Variants in RBM25 observed in about 807,000 individuals in gnomAD.
The protein encoded by RBM25 is RNA-binding protein 25.
A neutral mutation model predicts 120.7 loss-of-function variants in RBM25; 19 were observed. That is an observed-to-expected ratio of 0.16 (90% CI 0.11 to 0.23). The LOEUF is 0.23. RBM25 is among the 10% of genes least tolerant of loss of function. The probability of loss-of-function intolerance (pLI) is 1.00; values close to 1 mark genes in which losing one functional copy is unlikely to be tolerated. For missense variants in RBM25, 605 were observed against 1,041.5 expected (o/e 0.58, Z 5.77); for synonymous variants, 390 against 326.7 (o/e 1.19, Z -2.09).
chr14:73,081,197 T>C (rs1196753961), intron 4 of RBM25, among the ~76,000 whole-genome samples: 1 of 150,184 alleles, frequency 6.7e-6, no homozygotes, highest in African/African-American at 2.5e-5. Context: ...TGGAGTGCAG[T>C]GGCACGATCT....
chr14:73,076,901 G>A (rs755284999), intron 3 of RBM25, among the ~76,000 whole-genome samples: 1 of 152,204 alleles, frequency 6.6e-6, no homozygotes, highest in Non-Finnish European at 1.5e-5. Flanking sequence ...CCAACATGGT[G>A]AAACCCTGTG....
chr14:73,076,193 G>C, intron 2 of RBM25, 126 bp from the exon 3 acceptor site: 1 of 778,724 alleles, frequency 1.3e-6, no homozygotes, highest in East Asian at 2.7e-5. Flanking sequence ...GTATTTATCA[G>C]TATTTCACTT....
intron 1 of RBM25, among the ~76,000 whole-genome samples, chr14:73,071,206 C>T (rs1282077877): frequency 6.9e-6 from 1 of 144,212 alleles, no homozygotes; most frequent in African/African-American, 2.6e-5. Flanking sequence ...TGCGCCACTG[C>T]ACTCTAGCCT....
At chr14:73,090,060 T>C (rs1037254377) in intron 6 of RBM25, among the ~76,000 whole-genome samples, 10 of 151,530 alleles carry the variant, frequency 6.6e-5, no homozygotes, top group African/African-American at 1.9e-4. Context: ...GTACCCCCCC[T>C]CTTTTTTTTT....
In RBM25 at chr14:73,058,557, A is replaced by T. The variant is rs2535923; in HGVS notation, c.-164A>T. The stretch of plus-strand genomic sequence containing the variant: ...GAAGACCTCCATCAGCTCGCCGCGC[A>T]GCGCGGCTGTATTTGCGGCCTGTGC... On this transcript the variant is annotated 5_prime_UTR_variant, in exon 1 of 19. Transcript: ENST00000261973. The T allele has an allele frequency of 0.29, 44,408 of 152,066 alleles. 6,980 individuals are homozygous for T. The highest frequency in any genetic ancestry group is 0.34 in the Non-Finnish European group (23,428 of 67,968). 9.4% of individuals were successfully genotyped at this position (152,066 alleles called of 1,614,324 possible). A position where few individuals can be genotyped will look rare whatever the true frequency, so the allele number is the denominator to read the frequency against.
chr14:73,094,100 C>T (rs1366661091), intron 6 of RBM25, among the ~76,000 whole-genome samples: 9 of 150,730 alleles, frequency 6.0e-5, no homozygotes, highest in South Asian at 4.2e-4. Flanking sequence ...TACAGGTGCC[C>T]GCCACCACGC....
At chr14:73,093,950 T>G (rs1263783126) in intron 6 of RBM25, among the ~76,000 whole-genome samples, 1 of 142,998 alleles carries the variant, frequency 7.0e-6, no homozygotes, top group Admixed American at 6.9e-5. Flanking sequence ...CAGGTTTTGT[T>G]TTTTTTTTTT....
intron 1 of RBM25, chr14:73,064,875 A>T (rs1895089332): frequency 6.6e-6 from 1 of 151,350 alleles, no homozygotes; most frequent in African/African-American, 2.4e-5. Context: ...AATTAAATAT[A>T]TCTGGTTAAC....
intron 6 of RBM25, among the ~76,000 whole-genome samples, chr14:73,095,013 T>C (rs543878591): frequency 1.8e-4 from 28 of 151,716 alleles, no homozygotes; most frequent in African/African-American, 6.5e-4. Flanking sequence ...CATGTCACCA[T>C]GCCCAGCTAA....
intron 4 of RBM25, among the ~76,000 whole-genome samples, chr14:73,081,607 G>A (rs930711942): frequency 1.3e-5 from 2 of 152,122 alleles, no homozygotes; most frequent in African/African-American, 4.8e-5. Context: ...GTTATATTGG[G>A]ATGATACATC....
In RBM25 at chr14:73,068,496, C is replaced by T. The variant is rs771740572; in HGVS notation, c.-15-3131C>T. Reference sequence around the variant, plus strand: ...AAGTTTTGACGTATTGTCAGTGTGCCGCATGTTGTATTTTCAAATTCCTTT... The same window carrying T: ...AAGTTTTGACGTATTGTCAGTGTGCTGCATGTTGTATTTTCAAATTCCTTT... On this transcript the variant is annotated intron_variant, in intron 1 of 18. Coordinates refer to ENST00000261973, the MANE Select transcript of RBM25 (RefSeq NM_021239.3). 2.8e-5 allele frequency: 25 copies of T among 895,542 alleles called. 2 individuals carry two copies. The East Asian group carries it at 3.3e-4, about 12-fold the overall frequency. The allele number at this position is 895,542 out of a possible 1,614,324, so 55.5% of individuals were successfully genotyped here. A position where few individuals can be genotyped will look rare whatever the true frequency, so the allele number is the denominator to read the frequency against.
intron 4 of RBM25, 115 bp downstream of exon 4, chr14:73,077,651 C>A (rs961606664): frequency 1.1e-6 from 1 of 936,790 alleles, no homozygotes; most frequent in Non-Finnish European, 1.5e-6. Flanking sequence ...TTCAGTCCTG[C>A]AGCAAAGGTG....
In RBM25 at chr14:73,121,510, CTT is replaced by C. The variant is rs1896540595; in HGVS notation, c.*1708_*1709del. 6.6e-6 allele frequency: 1 copy of C among 152,316 alleles called. No homozygotes were observed. Among genetic ancestry groups the C allele is most frequent in the Non-Finnish European group, 1.5e-5 (1 of 68,010 alleles). 9.4% of individuals were successfully genotyped at this position (152,316 alleles called of 1,614,324 possible). ...CTACTATACATCTATGGAAATGTCT[CTT>C]TTATTTTAAATTCTGGTTTCTCAAC... is the stretch of plus-strand genomic sequence containing the variant. On this transcript the variant is annotated 3_prime_UTR_variant, in exon 19 of 19. Coordinates refer to ENST00000261973, the MANE Select transcript of RBM25 (RefSeq NM_021239.3).
intron 6 of RBM25, among the ~76,000 whole-genome samples, chr14:73,090,659 A>C (rs1190821079): frequency 6.6e-6 from 1 of 152,190 alleles, no homozygotes; most frequent in Non-Finnish European, 1.5e-5. Flanking sequence ...TTGTTTATAT[A>C]TCTCTCTCTT....
chr14:73,066,692 A>G (rs1484526302), intron 1 of RBM25, among the ~76,000 whole-genome samples: 1 of 152,046 alleles, frequency 6.6e-6, no homozygotes, highest in Non-Finnish European at 1.5e-5. Context: ...CTTTACCTAT[A>G]AAGTTTTCTA....
At chr14:73,087,971 AT>A in intron 5 of RBM25, 29 bp from the exon 6 acceptor site, 1 of 1,589,862 alleles carries the variant, frequency 6.3e-7, no homozygotes, top group South Asian at 1.2e-5. Flanking sequence ...GTGAATTGGT[AT>A]TTCACTAATT....
Position 73,109,717 on chromosome 14 carries a change from C to T in RBM25, c.1692+225C>T, listed in dbSNP as rs374202006. 1.8e-4 allele frequency among the ~76,000 whole-genome samples: 27 copies of T among 151,992 alleles called. No individual in the cohort carries two copies. In the East Asian group the frequency reaches 2.2e-3, roughly 12 times the overall value. ...CCGAGGCAGGAGAATGGCGTGAACC[C>T]GGGAGGCGGAGCTTGCAGTGAGCCG... On this transcript the variant is annotated intron_variant, in intron 14 of 18. Transcript: ENST00000261973.
At chr14:73,110,716 A>C in intron 14 of RBM25, 115 bp from the exon 15 acceptor site, 1 of 1,283,854 alleles carries the variant, frequency 7.8e-7, no homozygotes. Context: ...GGCATGAGCC[A>C]CCATACCTGG....
chr14:73,099,604 TA>T (rs1896019193), intron 8 of RBM25, 62 bp from the exon 9 acceptor site: 1 of 1,586,318 alleles, frequency 6.3e-7, no homozygotes, highest in Non-Finnish European at 8.5e-7. Context: ...ATCTAACCTT[TA>T]ACTGTTTATA....
Sources: allele counts gnomAD v4.1 joint callset (sites outside exome capture counted in the v4.1 genomes callset), GRCh38; gene constraint gnomAD v4.1.1; transcripts MANE v1.5; gene names NCBI Gene and HGNC (gene_info 2026-07-23, HGNC 2026-07-21).